ITGAL: variants seen among roughly 807,000 people sequenced by gnomAD.
ITGAL encodes the protein integrin alpha-L.
A neutral mutation model predicts 138.4 loss-of-function variants in ITGAL; 68 were observed. The ratio of observed to expected loss-of-function variants is 0.49; its 90% CI spans 0.40 to 0.60. ITGAL has a LOEUF of 0.60. ITGAL is among the 20% of genes least tolerant of loss of function. The probability of loss-of-function intolerance (pLI) is 0.00; values close to 1 mark genes in which losing one functional copy is unlikely to be tolerated. For synonymous variants in ITGAL, 561 were observed against 584.3 expected (o/e 0.96, Z 0.57); for missense variants, 1,256 against 1,478.6 (o/e 0.85, Z 2.47).
intron 4 of ITGAL, among the ~76,000 whole-genome samples, chr16:30,478,170 C>G (rs2050498586): frequency 6.6e-6 from 1 of 150,526 alleles, no homozygotes. Flanking sequence ...CCCGTCTCTA[C>G]TAAAAGTACA....
intron 17 of ITGAL, among the ~76,000 whole-genome samples, chr16:30,499,788 G>C (rs1348130314): frequency 3.3e-4 from 47 of 141,964 alleles, no homozygotes; most frequent in Non-Finnish European, 6.3e-4. Flanking sequence ...TAGTGCAGTG[G>C]CACGGTCTCA....
intron 7 of ITGAL, 150 bp downstream of exon 7, chr16:30,481,734 TTCTTTTGGTTG>T: frequency 1.5e-6 from 1 of 684,330 alleles, no homozygotes; most frequent in Non-Finnish European, 2.5e-6. Context: ...TTACTGCAGA[TTCTTTTGGTTG>T]TACGTAACAG....
At chr16:30,497,679 A>C (rs2050822604) in intron 15 of ITGAL, among the ~76,000 whole-genome samples, 1 of 151,472 alleles carries the variant, frequency 6.6e-6, no homozygotes, top group Non-Finnish European at 1.5e-5. Flanking sequence ...GGGTTTCGCC[A>C]TGTTGGCCAG....
At chr16:30,503,976 A>T (rs1320512127) in intron 17 of ITGAL, 199 bp from the exon 18 acceptor site, 1 of 487,626 alleles carries the variant, frequency 2.1e-6, no homozygotes, top group East Asian at 3.5e-5. Context: ...GGGCTCAGGG[A>T]TGATAACTGT....
chr16:30,499,667 A>ATATATATATGTG, intron 17 of ITGAL, 178 bp downstream of exon 17: 1 of 236,556 alleles, frequency 4.2e-6, no homozygotes, highest in South Asian at 7.1e-5. Context: ...TTTAAATTAT[A>ATATATATATGTG]TATATATGTG....
chr16:30,491,806 T>C (rs1039715131), intron 11 of ITGAL, among the ~76,000 whole-genome samples: 1 of 152,098 alleles, frequency 6.6e-6, no homozygotes, highest in East Asian at 1.9e-4. Context: ...TCTTCCCTTT[T>C]TGTAGATGAG....
In ITGAL at chr16:30,495,505, C is replaced by A. The variant is rs187685876; in HGVS notation, c.1504-592C>A. 9.6e-4 allele frequency among the ~76,000 whole-genome samples: 146 copies of A among 152,092 alleles called. 1 individual carries two copies. The East Asian group carries it at 0.02, about 21-fold the overall frequency. Reference sequence around the variant, plus strand: ...GATATGACCTCCCTTTCCTCATGACCACCTGCTGAGATACTACAAGCTTTA... The same window carrying A: ...GATATGACCTCCCTTTCCTCATGACAACCTGCTGAGATACTACAAGCTTTA... On this transcript the variant is annotated intron_variant, in intron 13 of 30. Transcript: ENST00000356798.
At position 30,521,664 on chromosome 16, in the gene ITGAL, G is replaced by A. The variant is rs766002568; in HGVS notation, c.3512G>A (p.Ter1171=). Residue 1171 remains the stop codon, a stop_retained_variant, in exon 31 of 31, where the codon TGA becomes TAA. Coordinates refer to ENST00000356798, the MANE Select transcript of ITGAL (RefSeq NM_002209.3). ...TCTGAGAGTGGTGGTGGCAAGGACT[G>A]AGTCCAGGCCTGTGAGGTGCAGAGT... ...KDSESGGGKD[*] is the part of the protein sequence containing the mutation. 12 of 1,613,418 alleles carry A rather than the reference G, an allele frequency of 7.4e-6. No individual in the cohort carries two copies. The East Asian group carries it at 2.7e-4, about 36-fold the overall frequency.
chr16:30,494,113 T>C lies in ITGAL; in HGVS notation c.1214-99T>C, dbSNP rs2050763990. The C allele has an allele frequency of 1.9e-6, 2 of 1,032,244 alleles. No individual in the cohort carries two copies. The highest frequency in any genetic ancestry group is 1.8e-5 in the South Asian group (1 of 57,124). 63.9% of individuals were successfully genotyped at this position (1,032,244 alleles called of 1,614,324 possible). ...GTCTTCAGCTGTTTCCATGCATCTC[T>C]GCTACTAACCCAATTCCCTGGGGCC... On this transcript the variant is annotated intron_variant, in intron 11 of 30. Coordinates refer to ENST00000356798, the MANE Select transcript of ITGAL (RefSeq NM_002209.3). This position sits in a 1 kb window ranked among gnomAD's most constrained non-coding sequence, Gnocchi z 4.2.
chr16:30,484,229 C>G lies in ITGAL; in HGVS notation c.972C>G (p.Phe324Leu). The change falls in exon 9 of 31, where the codon TTC becomes TTG. Residue 324 changes from phenylalanine to leucine, a missense_variant. Physicochemically the swap from Phe to Leu is conservative, Grantham distance 22. This residue lies in a region of ITGAL where 177 missense variants were observed against 288.8 expected (regional missense o/e 0.61). Coordinates refer to ENST00000356798, the MANE Select transcript of ITGAL (RefSeq NM_002209.3). ...LDTFEKLKDL[F>L]TELQKKIYVI... ...CATTTGAGAAGCTGAAAGATCTATT[C>G]ACTGAGCTGCAGAAGAAGATCTATG... 1 of 1,614,068 alleles carries G rather than the reference C, an allele frequency of 6.2e-7. No homozygotes were observed. Among genetic ancestry groups the G allele is most frequent in the Non-Finnish European group, 8.5e-7 (1 of 1,180,008 alleles).
In ITGAL at chr16:30,517,071, G is replaced by C. The variant is rs755372853; in HGVS notation, c.2961G>C (p.Gln987His). The C allele has an allele frequency of 7.5e-6, 12 of 1,607,860 alleles. No individual in the cohort carries two copies. In the Admixed American group the frequency reaches 2.0e-4, roughly 27 times the overall value. Residue 987 changes from glutamine (Q) to histidine (H), a missense_variant, in exon 26 of 31, where the codon CAG (glutamine) becomes CAC (histidine). This residue lies in a region of ITGAL where 867 missense variants were observed against 972.5 expected (regional missense o/e 0.89). Transcript: ENST00000356798. ...QPPSEGPITHQWSVQMEPPVP... is the reference protein window; with the variant it reads ...QPPSEGPITHHWSVQMEPPVP... ...CCAGCGAGGGGCCCATCACACACCA[G>C]TGGAGCGTGCAGATGGTGAGTGCTG...
In ITGAL at chr16:30,505,235, C is replaced by A; in HGVS notation, c.2236-9C>A. 6.3e-7 allele frequency: 1 copy of A among 1,590,510 alleles called. No individual in the cohort carries two copies. ...CCTCTCTCCATCCTGCCCACTACCC[C>A]TCGCTCAGCAGGGCAAGGACATACC... On this transcript the variant is annotated splice_polypyrimidine_tract_variant and intron_variant, in intron 18 of 30. Coordinates refer to ENST00000356798, the MANE Select transcript of ITGAL (RefSeq NM_002209.3).
At chr16:30,481,100 G>C in intron 6 of ITGAL, 1 of 249,030 alleles carries the variant, frequency 4.0e-6, no homozygotes, top group South Asian at 4.4e-5. Context: ...TGAGGAGTTC[G>C]AGACCAGCCT....
rs544729704 is a variant in ITGAL at position 30,488,529 on chromosome 16, A to C, written c.1007-553A>C. 6.9e-4 allele frequency among the ~76,000 whole-genome samples: 105 copies of C among 151,492 alleles called. 1 individual carries two copies. Among genetic ancestry groups the C allele is most frequent in the Non-Finnish European group, 2.9e-4 (20 of 67,848 alleles). ...AGACCAGGCTGGCCAACATGGTGAA[A>C]CCCCATCTCTACTAAAAATACAAAA... On this transcript the variant is annotated intron_variant, in intron 9 of 30. Coordinates refer to ENST00000356798, the MANE Select transcript of ITGAL (RefSeq NM_002209.3).
At chr16:30,517,319 A>G (rs1415943872) in intron 26 of ITGAL, among the ~76,000 whole-genome samples, 1 of 152,074 alleles carries the variant, frequency 6.6e-6, no homozygotes, top group Non-Finnish European at 1.5e-5. Context: ...CCAGGCATGC[A>G]TGGTGGCCCG....
chr16:30,517,736 G>A, intron 27 of ITGAL, 31 bp downstream of exon 27: 1 of 1,613,032 alleles, frequency 6.2e-7, no homozygotes. Flanking sequence ...AGACGGTGGG[G>A]CTGGGCGGTA....
chr16:30,513,750 G>T, intron 24 of ITGAL, 21 bp from the exon 25 acceptor site: 1 of 1,602,258 alleles, frequency 6.2e-7, no homozygotes, highest in Non-Finnish European at 8.6e-7. Context: ...TTCTTCCATC[G>T]CTGCCCTTCT....
chr16:30,479,073 G>A lies in ITGAL; in HGVS notation c.328-18G>A, dbSNP rs1299139432. 4 of 1,597,308 alleles carry A rather than the reference G, an allele frequency of 2.5e-6. No individual in the cohort carries two copies. The highest frequency in any genetic ancestry group is 3.4e-6 in the Non-Finnish European group (4 of 1,166,214). On this transcript the variant is annotated intron_variant, in intron 4 of 30. Coordinates refer to ENST00000356798, the MANE Select transcript of ITGAL (RefSeq NM_002209.3). ...TAGCAAATAGGAGACCCAAATCTTTGGCCTTTGCTTTCTTTAGGCCTGTGA... is the reference window on the plus strand; with the variant it reads ...TAGCAAATAGGAGACCCAAATCTTTAGCCTTTGCTTTCTTTAGGCCTGTGA...
chr16:30,494,342 C>A lies in ITGAL; in HGVS notation c.1344C>A (p.Val448=). ...AGGGCGGAGGACACTGGAGCCAGGT[C>A]CAGACAATCCATGGGACCCAGGTGC... ...EPQGGGHWSQ[V]QTIHGTQIGS... The change falls in exon 12 of 31, where the codon GTC becomes GTA. Residue 448 remains valine, a synonymous_variant. Transcript: ENST00000356798. The surrounding 1 kb of genome is among the most constrained non-coding windows in gnomAD (Gnocchi z 4.2). The A allele has an allele frequency of 6.2e-7, 1 of 1,610,310 alleles. No individual in the cohort carries two copies. The highest frequency in any genetic ancestry group is 8.5e-7 in the Non-Finnish European group (1 of 1,177,282).
Sources: allele counts gnomAD v4.1 joint callset (sites outside exome capture counted in the v4.1 genomes callset), GRCh38; gene constraint gnomAD v4.1.1; regional missense constraint gnomAD v4.1.1; non-coding constraint Gnocchi (gnomAD v3.1); transcripts MANE v1.5; gene names NCBI Gene and HGNC (gene_info 2026-07-23, HGNC 2026-07-21).